Variants in LRRC28 observed in about 807,000 individuals in gnomAD.
The protein encoded by LRRC28 is leucine-rich repeat-containing protein 28.
Under a neutral mutation model 45.7 loss-of-function variants are expected in LRRC28, and 39 were observed. That is an observed-to-expected ratio of 0.85 (90% CI 0.66 to 1.12). LRRC28 has a LOEUF of 1.12. Among genes scored for constraint, LRRC28 ranks in the 50% most tolerant of loss-of-function variants. The pLI is 0.00. For synonymous variants in LRRC28, 206 were observed against 178.8 expected (o/e 1.15, Z -1.22); for missense variants, 435 against 438.5 (o/e 0.99, Z 0.07).
At chr15:99,325,007 T>G (rs1955924838) in intron 5 of LRRC28, among the ~76,000 whole-genome samples, 1 of 152,240 alleles carries the variant, frequency 6.6e-6, no homozygotes, top group Non-Finnish European at 1.5e-5. Context: ...GTGTTGAATC[T>G]GCAGATCAGT....
chr15:99,380,475 T>C (rs1296536100), intron 9 of LRRC28, among the ~76,000 whole-genome samples: 4 of 152,200 alleles, frequency 2.6e-5, no homozygotes, highest in Non-Finnish European at 4.4e-5. Flanking sequence ...CACTGATGGG[T>C]CTTGACTCTA....
chr15:99,310,147 TAAA>T (rs2152263112), intron 5 of LRRC28, among the ~76,000 whole-genome samples: 1 of 152,360 alleles, frequency 6.6e-6, no homozygotes, highest in East Asian at 1.9e-4. Context: ...ATGGTGCTCT[TAAA>T]AACTTGTTGG....
intron 6 of LRRC28, among the ~76,000 whole-genome samples, chr15:99,341,032 A>G (rs762044768): frequency 4.0e-5 from 6 of 151,564 alleles, no homozygotes; most frequent in Non-Finnish European, 7.4e-5. Flanking sequence ...TTTGTAACAA[A>G]AACTCTTCTT....
intron 5 of LRRC28, 125 bp downstream of exon 5, chr15:99,288,076 A>G (rs750453968): frequency 4.2e-6 from 4 of 951,858 alleles, no homozygotes; most frequent in Non-Finnish European, 4.3e-6. Context: ...TTGTTTGAAG[A>G]TGAAACTAAA....
intron 6 of LRRC28, among the ~76,000 whole-genome samples, chr15:99,345,355 G>C (rs1343597481): frequency 3.3e-5 from 5 of 152,096 alleles, no homozygotes; most frequent in African/African-American, 4.8e-5. Flanking sequence ...TATCAACGCA[G>C]TTTTATTTTG....
intron 6 of LRRC28, 47 bp from the exon 7 acceptor site, chr15:99,352,322 A>G: frequency 8.2e-7 from 1 of 1,213,970 alleles, no homozygotes; most frequent in Non-Finnish European, 1.2e-6. Flanking sequence ...TTCACATTAT[A>G]ATGGTGCCTG....
intron 1 of LRRC28, among the ~76,000 whole-genome samples, chr15:99,253,238 A>G (rs2080916169): frequency 6.6e-6 from 1 of 151,910 alleles, no homozygotes; most frequent in African/African-American, 2.4e-5. Flanking sequence ...CTCCTGCCTC[A>G]GTCTCCCGAG....
intron 2 of LRRC28, among the ~76,000 whole-genome samples, chr15:99,263,401 T>C (rs2081253405): frequency 6.6e-6 from 1 of 152,196 alleles, no homozygotes; most frequent in South Asian, 2.1e-4. Context: ...TTAAATACTT[T>C]TTCCATAATT....
chr15:99,371,915 G>A (rs1484461260), intron 9 of LRRC28, among the ~76,000 whole-genome samples: 3 of 152,058 alleles, frequency 2.0e-5, no homozygotes, highest in African/African-American at 4.8e-5. Context: ...AATGTCTAGG[G>A]CAATGACACA....
intron 6 of LRRC28, among the ~76,000 whole-genome samples, chr15:99,335,070 A>G (rs1477057084): frequency 6.6e-6 from 1 of 152,198 alleles, no homozygotes; most frequent in African/African-American, 2.4e-5. Flanking sequence ...GTATTTATAA[A>G]ATTAACAAAA....
chr15:99,273,268 A>C (rs1421658716), intron 2 of LRRC28, among the ~76,000 whole-genome samples: 2 of 151,752 alleles, frequency 1.3e-5, no homozygotes, highest in African/African-American at 4.8e-5. Flanking sequence ...ATGGAGTCTC[A>C]CTCTGTCACC....
At chr15:99,255,516 A>G (rs1277726094) in intron 1 of LRRC28, among the ~76,000 whole-genome samples, 1 of 152,098 alleles carries the variant, frequency 6.6e-6, no homozygotes, top group East Asian at 1.9e-4. Flanking sequence ...TAAGCTAAAT[A>G]CAAAATGAGG....
In LRRC28 at chr15:99,361,358, T is replaced by G. The variant is rs1162084074; in HGVS notation, c.718T>G (p.Ser240Ala). The change falls in exon 8 of 10, where the codon TCC becomes GCC. Residue 240 changes from serine to alanine, a missense_variant. Coordinates refer to ENST00000301981, the MANE Select transcript of LRRC28 (RefSeq NM_144598.5). ...CSGCGAPIQVSEVKLLSFSSG... is the reference protein window; with the variant it reads ...CSGCGAPIQVAEVKLLSFSSG... ...CAGCTGTGGTGCTCCCATTCAAGTTTCCGAGGTGAAGCTGCTTTCCTTTTC... is the reference window on the plus strand; with the variant it reads ...CAGCTGTGGTGCTCCCATTCAAGTTGCCGAGGTGAAGCTGCTTTCCTTTTC... The G allele has an allele frequency of 1.2e-6, 2 of 1,613,318 alleles. No homozygotes were observed. Among genetic ancestry groups the G allele is most frequent in the Non-Finnish European group, 1.7e-6 (2 of 1,179,752 alleles).
intron 6 of LRRC28, among the ~76,000 whole-genome samples, chr15:99,341,578 AAC>A (rs1442125097): frequency 6.6e-6 from 1 of 152,210 alleles, no homozygotes; most frequent in Admixed American, 6.5e-5. Context: ...GCTTTAAATG[AAC>A]AAATTTGTAT....
chr15:99,357,753 CATT>C (rs1421493785), intron 7 of LRRC28, among the ~76,000 whole-genome samples: 3 of 151,896 alleles, frequency 2.0e-5, no homozygotes, highest in Non-Finnish European at 1.5e-5. Context: ...ATTTATTCAA[CATT>C]ATATTAAAGA....
intron 5 of LRRC28, among the ~76,000 whole-genome samples, chr15:99,317,221 C>A (rs1391701526): frequency 6.6e-6 from 1 of 152,138 alleles, no homozygotes; most frequent in African/African-American, 2.4e-5. Context: ...ATTAGAGCTA[C>A]TATTAAAAAT....
At chr15:99,306,917 G>C (rs1477300087) in intron 5 of LRRC28, among the ~76,000 whole-genome samples, 3 of 152,158 alleles carry the variant, frequency 2.0e-5, no homozygotes, top group African/African-American at 7.2e-5. Context: ...GCACATCTTT[G>C]GTCCTTTTCG....
At chr15:99,270,147 A>G (rs930719107) in intron 2 of LRRC28, among the ~76,000 whole-genome samples, 1 of 152,224 alleles carries the variant, frequency 6.6e-6, no homozygotes, top group Non-Finnish European at 1.5e-5. Context: ...AGAAGCAATG[A>G]CATCAACTTA....
In LRRC28 at chr15:99,349,010, T is replaced by G. The variant is rs558872489; in HGVS notation, c.593-3359T>G. The stretch of plus-strand genomic sequence containing the variant: ...CTTTTTACCTCCTTAGTTACATTTA[T>G]TCCTAGATATTTTTAAAAAATACTA... On this transcript the variant is annotated intron_variant, in intron 6 of 9. Coordinates refer to ENST00000301981, the MANE Select transcript of LRRC28 (RefSeq NM_144598.5). Among the ~76,000 whole-genome samples, 8 of 152,246 alleles carry G rather than the reference T, an allele frequency of 5.3e-5. No individual in the cohort carries two copies. In the East Asian group the frequency reaches 1.5e-3, roughly 29 times the overall value.
Sources: gnomAD v4.1 joint callset for allele counts (sites outside exome capture counted in the v4.1 genomes callset) on GRCh38, gnomAD v4.1.1 for gene constraint, MANE v1.5 for transcripts, NCBI Gene and HGNC (gene_info 2026-07-23, HGNC 2026-07-21) for gene names.